The following NCAM1 variants were observed in gnomAD, a reference collection of about 807,000 sequenced individuals.
The protein encoded by NCAM1 is neural cell adhesion molecule 1.
In NCAM1, 14 loss-of-function variants were observed where a neutral mutation model predicts 109.8. The observed-to-expected ratio is 0.13, with a 90% confidence interval of 0.08 to 0.20. NCAM1 has a LOEUF of 0.20. Ranked by LOEUF, NCAM1 falls within the 10% of genes least tolerant of loss-of-function variation. The pLI, the probability that NCAM1 is intolerant of heterozygous loss-of-function variation, is 1.00. For synonymous variants in NCAM1, 418 were observed against 442.9 expected (o/e 0.94, Z 0.70); for missense variants, 774 against 1,109.9 (o/e 0.70, Z 4.30).
At chr11:113,099,618 A>G (rs1316731782) in intron 1 of NCAM1, among the ~76,000 whole-genome samples, 1 of 152,216 alleles carries the variant, frequency 6.6e-6, no homozygotes. Context: ...ATCTTTAGCA[A>G]AGAGGAAGAG....
At chr11:113,051,675 G>C (rs1953497629) in intron 1 of NCAM1, among the ~76,000 whole-genome samples, 1 of 151,936 alleles carries the variant, frequency 6.6e-6, no homozygotes. Flanking sequence ...TCATTTCTCT[G>C]TGTCATCATA....
chr11:113,087,453 T>C (rs1181325707), intron 1 of NCAM1, among the ~76,000 whole-genome samples: 1 of 152,258 alleles, frequency 6.6e-6, no homozygotes, highest in Non-Finnish European at 1.5e-5. Flanking sequence ...AGTGAACTTT[T>C]ACGTTCATAA....
intron 17 of NCAM1, chr11:113,262,704 C>T: frequency 4.0e-5 from 35 of 866,730 alleles, no homozygotes; most frequent in Middle Eastern, 2.9e-4. Flanking sequence ...CTGTCTCTAC[C>T]TTCCCTTTCC....
chr11:113,131,567 A>G (rs990853428), intron 1 of NCAM1, among the ~76,000 whole-genome samples: 3 of 152,232 alleles, frequency 2.0e-5, no homozygotes, highest in African/African-American at 7.2e-5. Context: ...TGAAGTCATC[A>G]TAACAGATGA....
chr11:113,255,741 A>G, intron 15 of NCAM1, 136 bp from the exon 16 acceptor site: 1 of 996,580 alleles, frequency 1.0e-6, no homozygotes, highest in Non-Finnish European at 1.5e-6. Context: ...TTTTATATTT[A>G]TTGCTTTTTA....
chr11:113,058,054 G>A (rs536441573), intron 1 of NCAM1, among the ~76,000 whole-genome samples: 3 of 152,272 alleles, frequency 2.0e-5, no homozygotes, highest in Non-Finnish European at 2.9e-5. Flanking sequence ...GGAGGCCGAG[G>A]TGGGCGTATT....
At position 113,141,015 on chromosome 11, in the gene NCAM1, G is replaced by A. The variant is rs553842320; in HGVS notation, c.53-61364G>A. On this transcript the variant is annotated intron_variant, in intron 1 of 19. Transcript: ENST00000316851. ...GAACTATCCATTCTGCTATCTTCCT[G>A]TTGTTCACTTATGCTTTCATTATTA... Among the ~76,000 whole-genome samples, 11 of 152,114 alleles carry A rather than the reference G, an allele frequency of 7.2e-5. No homozygotes were observed. The South Asian group carries it at 2.1e-3, about 29-fold the overall frequency.
intron 1 of NCAM1, among the ~76,000 whole-genome samples, chr11:113,013,625 G>A (rs2135151659): frequency 6.6e-6 from 1 of 152,212 alleles, no homozygotes; most frequent in African/African-American, 2.4e-5. Context: ...CTCTATGGGA[G>A]ATTTTTTTTA....
chr11:113,248,681 TG>T (rs1555120706), intron 15 of NCAM1, among the ~76,000 whole-genome samples: 1 of 152,152 alleles, frequency 6.6e-6, no homozygotes, highest in Admixed American at 6.5e-5. Flanking sequence ...TAACCTAAGC[TG>T]GATGCTCCAT....
chr11:113,038,969 A>G (rs1952984192), intron 1 of NCAM1, among the ~76,000 whole-genome samples: 1 of 152,208 alleles, frequency 6.6e-6, no homozygotes, highest in Non-Finnish European at 1.5e-5. Context: ...AGACATCGCC[A>G]GGGCTGCAGA....
chr11:113,026,685 T>C (rs1401370548), intron 1 of NCAM1, among the ~76,000 whole-genome samples: 2 of 152,160 alleles, frequency 1.3e-5, no homozygotes, highest in African/African-American at 4.8e-5. Context: ...AGACACATGG[T>C]TAGATGGATG....
chr11:113,082,645 A>G (rs919114705), intron 1 of NCAM1, among the ~76,000 whole-genome samples: 3 of 152,242 alleles, frequency 2.0e-5, no homozygotes, highest in Non-Finnish European at 4.4e-5. Flanking sequence ...AACCTTTTAT[A>G]AAAACAACAA....
chr11:113,255,508 C>T (rs1555122118), intron 15 of NCAM1, among the ~76,000 whole-genome samples: 1 of 148,626 alleles, frequency 6.7e-6, no homozygotes, highest in Non-Finnish European at 1.5e-5. Context: ...CTATTTCAGG[C>T]TGTTCCTCAA....
chr11:113,247,961 T>C (rs1555120602), intron 15 of NCAM1, among the ~76,000 whole-genome samples: 1 of 152,216 alleles, frequency 6.6e-6, no homozygotes, highest in African/African-American at 2.4e-5. Context: ...CATGAAATCT[T>C]AAATGTGAGC....
intron 1 of NCAM1, among the ~76,000 whole-genome samples, chr11:113,179,336 GC>G (rs781926587): frequency 6.6e-6 from 1 of 152,210 alleles, no homozygotes; most frequent in Non-Finnish European, 1.5e-5. Context: ...TTGCTATGGA[GC>G]AAAATAAGAG....
intron 1 of NCAM1, among the ~76,000 whole-genome samples, chr11:113,172,061 G>C (rs1258742680): frequency 6.6e-6 from 1 of 152,170 alleles, no homozygotes; most frequent in Non-Finnish European, 1.5e-5. Flanking sequence ...TACCTTCTGA[G>C]GGAGCATAAC....
At chr11:113,033,962 G>C (rs1157732931) in intron 1 of NCAM1, among the ~76,000 whole-genome samples, 3 of 152,130 alleles carry the variant, frequency 2.0e-5, no homozygotes, top group African/African-American at 7.2e-5. Context: ...GTTATAATCT[G>C]CTTTTTTTCA....
chr11:113,134,837 G>A (rs782223746), intron 1 of NCAM1, among the ~76,000 whole-genome samples: 3 of 152,078 alleles, frequency 2.0e-5, no homozygotes, highest in Non-Finnish European at 2.9e-5. Context: ...AATTCAAATC[G>A]TGTTGCTTTG....
chr11:113,081,453 G>A (rs1334014101), intron 1 of NCAM1, among the ~76,000 whole-genome samples: 2 of 152,204 alleles, frequency 1.3e-5, no homozygotes, highest in East Asian at 1.9e-4. Context: ...AAAGGCACTC[G>A]CCAAAGGATG....
Sources: allele counts gnomAD v4.1 joint callset (sites outside exome capture counted in the v4.1 genomes callset), GRCh38; gene constraint gnomAD v4.1.1; transcripts MANE v1.5; gene names NCBI Gene and HGNC (gene_info 2026-07-23, HGNC 2026-07-21).